Variants in JMJD1C observed in about 807,000 individuals in gnomAD.
The protein encoded by JMJD1C is jumonji domain containing 1C, also known as jumonji domain-containing protein 1C.
A neutral mutation model predicts 245.3 loss-of-function variants in JMJD1C; 31 were observed. The observed-to-expected ratio is 0.13, with a 90% confidence interval of 0.09 to 0.17. JMJD1C has a LOEUF of 0.17. Ranked by LOEUF, JMJD1C falls within the 10% of genes least tolerant of loss-of-function variation. The pLI is 1.00. For missense variants in JMJD1C, 2,691 were observed against 3,000.2 expected, an observed-to-expected ratio of 0.90 and a Z score of 2.41; for synonymous variants, 1,057 against 1,017.4, an observed-to-expected ratio of 1.04 and a Z score of -0.74.
chr10:63,237,986 C>A (rs1466068878), intron 3 of JMJD1C, among the ~76,000 whole-genome samples: 4 of 118,644 alleles, frequency 3.4e-5, no homozygotes, highest in African/African-American at 1.3e-4. Flanking sequence ...CTGGCCAACA[C>A]AGTGAAACCC....
intron 3 of JMJD1C, among the ~76,000 whole-genome samples, chr10:63,232,833 T>C (rs993429638): frequency 3.3e-5 from 5 of 152,200 alleles, no homozygotes; most frequent in African/African-American, 1.2e-4. Flanking sequence ...TATGATTACA[T>C]GAAATAACAT....
At chr10:63,332,314 G>A (rs970177121) in intron 2 of JMJD1C, among the ~76,000 whole-genome samples, 2 of 152,094 alleles carry the variant, frequency 1.3e-5, no homozygotes, top group South Asian at 4.1e-4. Context: ...ATGATTTCTA[G>A]GAATTCCCCA....
chr10:63,364,299 C>A (rs949417388), intron 2 of JMJD1C, among the ~76,000 whole-genome samples: 16 of 152,158 alleles, frequency 1.1e-4, no homozygotes, highest in African/African-American at 3.9e-4. Flanking sequence ...GGCAAGGGGT[C>A]AAAACAAAAA....
At chr10:63,375,186 T>TTTG (rs1946630458) in intron 2 of JMJD1C, among the ~76,000 whole-genome samples, 1 of 140,184 alleles carries the variant, frequency 7.1e-6, no homozygotes, top group African/African-American at 2.6e-5. Context: ...AAATTGGCTT[T>TTTG]TTTTTTTTTT....
intron 1 of JMJD1C, among the ~76,000 whole-genome samples, chr10:63,441,913 T>C (rs1951413066): frequency 6.6e-6 from 1 of 152,208 alleles, no homozygotes. Flanking sequence ...GTTAGGTGTT[T>C]TTGAAGCATG....
At chr10:63,355,818 G>A (rs1300289690) in intron 2 of JMJD1C, among the ~76,000 whole-genome samples, 1 of 151,884 alleles carries the variant, frequency 6.6e-6, no homozygotes, top group Non-Finnish European at 1.5e-5. Context: ...GGCGCCCAGT[G>A]AGAAAGCAAG....
intron 2 of JMJD1C, among the ~76,000 whole-genome samples, chr10:63,370,893 A>G (rs1018174507): frequency 6.6e-6 from 1 of 151,350 alleles, no homozygotes; most frequent in Admixed American, 6.6e-5. Context: ...TTGCTAGGAA[A>G]TAATAGTTGT....
At chr10:63,203,580 A>T in intron 10 of JMJD1C, 1 of 955,908 alleles carries the variant, frequency 1.0e-6, no homozygotes, top group Non-Finnish European at 1.2e-6. Flanking sequence ...GCAATTTCAG[A>T]TCATAAAATT....
At chr10:63,205,286 A>G (rs1308593396) in intron 10 of JMJD1C, among the ~76,000 whole-genome samples, 2 of 152,234 alleles carry the variant, frequency 1.3e-5, no homozygotes, top group African/African-American at 4.8e-5. Context: ...TTAAATAGAT[A>G]GTAATTTCCA....
chr10:63,514,563 T>A (rs745587619), intron 1 of JMJD1C, among the ~76,000 whole-genome samples: 2 of 151,780 alleles, frequency 1.3e-5, no homozygotes, highest in African/African-American at 4.8e-5. Flanking sequence ...AACTTATAAG[T>A]GGGAGCTAAA....
intron 1 of JMJD1C, among the ~76,000 whole-genome samples, chr10:63,422,137 C>A (rs560243370): frequency 1.3e-5 from 2 of 152,218 alleles, no homozygotes; most frequent in South Asian, 2.1e-4. Flanking sequence ...AGGGGCTGGG[C>A]GCAGCGGCTC....
rs1784841009 is a variant in JMJD1C at position 63,200,621 on chromosome 10, T to C, written c.5131A>G (p.Thr1711Ala). The C allele has an allele frequency of 3.1e-6, 5 of 1,613,962 alleles. No individual in the cohort carries two copies. The highest frequency in any genetic ancestry group is 4.2e-6 in the Non-Finnish European group (5 of 1,179,968). ...TCATCCTGTAAAAAGGATTCCCCAG[T>C]TTGCTTCAGCTTCTTGACTTTACGC... ...DWRKVKKLKQ[T>A]GESFLQDDSC... The change falls in exon 11 of 26, where the codon ACT becomes GCT. Residue 1711 changes from threonine (T) to alanine (A), a missense_variant. By Grantham distance (58) the Thr-to-Ala change is moderately conservative. Around this residue, in one of 9 missense-constraint regions of JMJD1C, gnomAD observed 139 missense variants for 270.5 expected, o/e 0.51. Transcript: ENST00000399262.
At chr10:63,325,486 C>G (rs544213281) in intron 2 of JMJD1C, among the ~76,000 whole-genome samples, 14 of 152,234 alleles carry the variant, frequency 9.2e-5, no homozygotes, top group African/African-American at 2.4e-4. Context: ...AGACCACAGG[C>G]ACACACCACC....
intron 13 of JMJD1C, 103 bp from the exon 14 acceptor site, chr10:63,194,478 G>C (rs558065393): frequency 1.4e-6 from 1 of 720,184 alleles, no homozygotes; most frequent in Non-Finnish European, 2.4e-6. Flanking sequence ...TAGTTGGCTA[G>C]AGTCACAGCC....
rs779531583 is a variant in JMJD1C, at chr10:63,186,339, T to C, written c.6615A>G (p.Leu2205=). ...CAAGACTAATTGATTCCGCCTTCCA[T>C]AGGCTAATGTTCATTTTCTTATGCA... ...SGVHKKMNIS[L]WKAESISLDF... Residue 2205 remains leucine, a synonymous_variant, in exon 19 of 26, where the codon CTA becomes CTG. Transcript: ENST00000399262. 11 of 1,613,368 alleles carry C rather than the reference T, an allele frequency of 6.8e-6. No individual in the cohort carries two copies. Among genetic ancestry groups the C allele is most frequent in the Non-Finnish European group, 7.6e-6 (9 of 1,179,692 alleles).
intron 10 of JMJD1C, among the ~76,000 whole-genome samples, chr10:63,201,033 C>T (rs1364880192): frequency 6.6e-6 from 1 of 152,112 alleles, no homozygotes; most frequent in African/African-American, 2.4e-5. Flanking sequence ...TACAGTCCTT[C>T]TATACCAAAA....
intron 2 of JMJD1C, among the ~76,000 whole-genome samples, chr10:63,360,019 A>G (rs1322352495): frequency 1.3e-5 from 2 of 152,212 alleles, no homozygotes; most frequent in Middle Eastern, 3.4e-3. Flanking sequence ...CCACAGAGAA[A>G]TCTTAAAATA....
At chr10:63,454,516 T>C (rs1180459387) in intron 1 of JMJD1C, among the ~76,000 whole-genome samples, 1 of 152,058 alleles carries the variant, frequency 6.6e-6, no homozygotes, top group Admixed American at 6.6e-5. Flanking sequence ...CTCCACCTCC[T>C]GGTTTCAAGC....
chr10:63,293,094 C>T (rs1050077555), intron 2 of JMJD1C, among the ~76,000 whole-genome samples: 7 of 152,182 alleles, frequency 4.6e-5, no homozygotes, highest in African/African-American at 1.4e-4. Context: ...CCAACCTAGC[C>T]AAGTATTTTC....
Sources: gnomAD v4.1 joint callset for allele counts (sites outside exome capture counted in the v4.1 genomes callset) on GRCh38, gnomAD v4.1.1 for gene constraint, gnomAD v4.1.1 regional missense constraint, MANE v1.5 for transcripts, NCBI Gene and HGNC (gene_info 2026-07-23, HGNC 2026-07-21) for gene names.